Variants in OTOGL observed in about 807,000 individuals in gnomAD.
OTOGL encodes the protein otogelin like.
OTOGL carries 285 observed loss-of-function variants against 318.5 expected under a neutral mutation model. That is an observed-to-expected ratio of 0.89 (90% confidence interval 0.81 to 0.99). OTOGL has a LOEUF of 0.99. Among genes scored for constraint, OTOGL ranks in the 50% least tolerant of loss-of-function variants. OTOGL has a pLI of 0.00. For synonymous variants in OTOGL, 987 were observed against 936.5 expected (o/e 1.05, Z -0.99); for missense variants, 2,899 against 2,845.6 (o/e 1.02, Z -0.43).
intron 1 of OTOGL, among the ~76,000 whole-genome samples, chr12:80,167,632 T>A (rs1393695422): frequency 6.6e-6 from 1 of 152,164 alleles, no homozygotes; most frequent in Non-Finnish European, 1.5e-5. Context: ...AAAAATTATT[T>A]TGAAAATGTC....
At chr12:80,200,618 C>T (rs1876389486) in intron 1 of OTOGL, among the ~76,000 whole-genome samples, 1 of 152,186 alleles carries the variant, frequency 6.6e-6, no homozygotes, top group African/African-American at 2.4e-5. Context: ...GATTCATCCA[C>T]ATGGAGGAGT....
rs560661475 is a variant in OTOGL, at chr12:80,124,754, A to G, written c.-20+25149A>G. Among the ~76,000 whole-genome samples the G allele has an allele frequency of 9.2e-5, 14 of 151,990 alleles. No homozygotes were observed. In the South Asian group the frequency reaches 2.7e-3, roughly 29 times the overall value. On this transcript the variant is annotated intron_variant, in intron 1 of 58. Transcript: ENST00000547103. ...AGTTCTCCTTGAAGAGGTCCTTCACATCCCTTGTAAGTTGGATTCCTAGGT... is the reference window on the plus strand; with the variant it reads ...AGTTCTCCTTGAAGAGGTCCTTCACGTCCCTTGTAAGTTGGATTCCTAGGT...
chr12:80,160,233 A>T (rs990794879), intron 1 of OTOGL, among the ~76,000 whole-genome samples: 5 of 151,982 alleles, frequency 3.3e-5, no homozygotes, highest in Admixed American at 3.3e-4. Context: ...AACAAAAGTA[A>T]ATAGGTGGGA....
Position 80,379,191 on chromosome 12 carries a change from A to C in OTOGL, c.*1143A>C, listed in dbSNP as rs146126050. On this transcript the variant is annotated 3_prime_UTR_variant, in exon 59 of 59. Transcript: ENST00000547103. ...ATGCCCAAATTCTTTGCCACCTATA[A>C]TTAAAAATTGTCTGAATTTTCTCCT... 1.8e-4 allele frequency: 27 copies of C among 152,232 alleles called. No individual in the cohort carries two copies. Among genetic ancestry groups the C allele is most frequent in the African/African-American group, 6.3e-4 (26 of 41,558 alleles). The allele number at this position is 152,232 out of a possible 1,614,324, so 9.4% of individuals were successfully genotyped here. A position where few individuals can be genotyped will look rare whatever the true frequency, so the allele number is the denominator to read the frequency against.
At chr12:80,132,875 G>A (rs2137123562) in intron 1 of OTOGL, 1 of 152,288 alleles carries the variant, frequency 6.6e-6, no homozygotes, top group South Asian at 2.1e-4. Flanking sequence ...AGGTGGTTTT[G>A]AAGATAATGC....
At chr12:80,138,840 T>C (rs917051860) in intron 1 of OTOGL, among the ~76,000 whole-genome samples, 2 of 152,116 alleles carry the variant, frequency 1.3e-5, no homozygotes, top group African/African-American at 4.8e-5. Context: ...CACTAAAATG[T>C]TTTTTGAGTG....
At chr12:80,329,232 A>G (rs1887912742) in intron 37 of OTOGL, 113 bp downstream of exon 37, 2 of 798,840 alleles carry the variant, frequency 2.5e-6, no homozygotes, top group Non-Finnish European at 3.7e-6. Context: ...CCTATGGGCT[A>G]GGAAACCCAG....
Position 80,353,344 on chromosome 12 carries a change from G to T in OTOGL, c.5427G>T (p.Gly1809=). The T allele has an allele frequency of 6.3e-7, 1 of 1,577,504 alleles. No individual in the cohort carries two copies. The highest frequency in any genetic ancestry group is 1.3e-5 in the African/African-American group (1 of 74,212). ...PDYCSLSCPE[G]KEYQPCVRPC... is the part of the protein sequence containing the mutation. ...TCAAAGCCCTGAGTTGCCCAGAGGGGAAGGAATATCAACCCTGTGTGCGAC... is the reference window on the plus strand; with the variant it reads ...TCAAAGCCCTGAGTTGCCCAGAGGGTAAGGAATATCAACCCTGTGTGCGAC... Residue 1809 remains glycine (G), a synonymous_variant, in exon 46 of 59, where the codon GGG becomes GGT. Coordinates refer to ENST00000547103, the MANE Select transcript of OTOGL (RefSeq NM_001378609.3).
At chr12:80,168,910 C>T (rs1040188732) in intron 1 of OTOGL, among the ~76,000 whole-genome samples, 1 of 152,162 alleles carries the variant, frequency 6.6e-6, no homozygotes, top group Non-Finnish European at 1.5e-5. Context: ...CTTTCCCTTT[C>T]CTTGCTTCTC....
intron 28 of OTOGL, among the ~76,000 whole-genome samples, chr12:80,304,130 A>C (rs1218965797): frequency 1.3e-5 from 2 of 152,212 alleles, no homozygotes; most frequent in Non-Finnish European, 2.9e-5. Context: ...AGTATATTTA[A>C]GATTCATACA....
chr12:80,223,167 G>A (rs1001897677), intron 7 of OTOGL, among the ~76,000 whole-genome samples: 6 of 151,896 alleles, frequency 4.0e-5, no homozygotes, highest in African/African-American at 1.5e-4. Flanking sequence ...ACTTCACTTA[G>A]GCTAATGCTT....
intron 44 of OTOGL, among the ~76,000 whole-genome samples, chr12:80,350,164 C>T (rs1421478306): frequency 6.6e-6 from 1 of 152,082 alleles, no homozygotes; most frequent in African/African-American, 2.4e-5. Context: ...TATTTGTTTT[C>T]CTGTGCCTGG....
intron 44 of OTOGL, among the ~76,000 whole-genome samples, chr12:80,347,297 A>T (rs935850789): frequency 3.0e-4 from 45 of 151,656 alleles, no homozygotes; most frequent in African/African-American, 1.1e-3. Flanking sequence ...TCCCTCCCCT[A>T]GTCCCCCACC....
chr12:80,163,657 G>A (rs985892292), intron 1 of OTOGL, among the ~76,000 whole-genome samples: 1 of 152,042 alleles, frequency 6.6e-6, no homozygotes, highest in Non-Finnish European at 1.5e-5. Context: ...AGGCTCTCTC[G>A]TGTCCTCTCA....
At chr12:80,103,978 A>C (rs990097155) in intron 1 of OTOGL, among the ~76,000 whole-genome samples, 1 of 152,242 alleles carries the variant, frequency 6.6e-6, no homozygotes, top group African/African-American at 2.4e-5. Context: ...TCATACAGAA[A>C]ATAACTTGAT....
At chr12:80,319,245 G>A (rs1009139344) in intron 33 of OTOGL, among the ~76,000 whole-genome samples, 1 of 152,116 alleles carries the variant, frequency 6.6e-6, no homozygotes, top group African/African-American at 2.4e-5. Flanking sequence ...TGCACCTGCA[G>A]GTCTGTACTG....
Position 80,307,349 on chromosome 12 carries a change from G to A in OTOGL, c.3333+1654G>A, listed in dbSNP as rs1223866528. 4.6e-5 allele frequency among the ~76,000 whole-genome samples: 7 copies of A among 151,626 alleles called. No homozygotes were observed. The East Asian group carries it at 5.9e-4, about 13-fold the overall frequency. ...ACACCTCCCAGACGGGGTGGTGGCC[G>A]GGCAGAGGGGCTCCTCACTTCCCAG... On this transcript the variant is annotated intron_variant, in intron 29 of 58. Coordinates refer to ENST00000547103, the MANE Select transcript of OTOGL (RefSeq NM_001378609.3).
intron 1 of OTOGL, among the ~76,000 whole-genome samples, chr12:80,114,592 T>C (rs1870046486): frequency 6.6e-6 from 1 of 152,146 alleles, no homozygotes; most frequent in Non-Finnish European, 1.5e-5. Context: ...TTATGTGTCC[T>C]GGGGTTGCTC....
intron 52 of OTOGL, 84 bp downstream of exon 52, chr12:80,358,984 C>T: frequency 8.7e-7 from 1 of 1,149,404 alleles, no homozygotes. Context: ...CTAAATTCTT[C>T]TTAGAGTTAA....
Sources: allele counts gnomAD v4.1 joint callset (sites outside exome capture counted in the v4.1 genomes callset), GRCh38; gene constraint gnomAD v4.1.1; transcripts MANE v1.5; gene names NCBI Gene and HGNC (gene_info 2026-07-23, HGNC 2026-07-21).